GMPS: variants seen among roughly 807,000 people sequenced by gnomAD.
GMPS encodes the protein guanosine monophosphate synthase.
Under a neutral mutation model 77.9 loss-of-function variants are expected in GMPS, and 15 were observed. The ratio of observed to expected loss-of-function variants is 0.19; its 90% CI spans 0.13 to 0.30. GMPS has a LOEUF of 0.30. GMPS is among the 10% of genes least tolerant of loss of function. GMPS has a pLI of 1.00. For synonymous variants in GMPS, 224 were observed against 275.9 expected (o/e 0.81, Z 1.86); for missense variants, 590 against 838.8 (o/e 0.70, Z 3.66).
chr3:155,876,447 A>G (rs933112424), intron 1 of GMPS, among the ~76,000 whole-genome samples: 2 of 152,270 alleles, frequency 1.3e-5, no homozygotes, highest in Non-Finnish European at 2.9e-5. Context: ...ACTGTTTACT[A>G]TGCTTGCAAC....
chr3:155,913,346 G>A (rs565538664), intron 7 of GMPS, among the ~76,000 whole-genome samples: 1 of 152,184 alleles, frequency 6.6e-6, no homozygotes, highest in South Asian at 2.1e-4. Context: ...AAAAGCCAAG[G>A]ATTGTTAAAT....
rs777100549 is a variant in GMPS at position 155,914,511 on chromosome 3, T to C, written c.979T>C (p.Leu327=). ...RTPRKRISKT[L]NMTTSPEEKR... The stretch of plus-strand genomic sequence containing the variant: ...CCCACGGAAAAGAATTAGCAAAACG[T>C]TAAATATGACCACAAGTCCTGAAGA... Residue 327 remains leucine (L), a synonymous_variant, in exon 8 of 16, where the codon TTA becomes CTA. Coordinates refer to ENST00000496455, the MANE Select transcript of GMPS (RefSeq NM_003875.3). The C allele has an allele frequency of 4.4e-6, 7 of 1,605,956 alleles. No homozygotes were observed. The South Asian group carries it at 7.9e-5, about 18-fold the overall frequency.
chr3:155,916,028 G>A lies in GMPS; in HGVS notation c.1048G>A (p.Glu350Lys), dbSNP rs201869567. 11 of 1,611,320 alleles carry A rather than the reference G, an allele frequency of 6.8e-6. No individual in the cohort carries two copies. Among genetic ancestry groups the A allele is most frequent in the Non-Finnish European group, 8.5e-6 (10 of 1,178,206 alleles). The stretch of plus-strand genomic sequence containing the variant: ...CTCCTGTTGATTATAGATTGCCAAT[G>A]AAGTAATTGGAGAAATGAACTTGAA... ...IGDTFVKIANEVIGEMNLKPE... is the reference protein window; with the variant it reads ...IGDTFVKIANKVIGEMNLKPE... Residue 350 changes from glutamate to lysine, a missense_variant, in exon 9 of 16, where the codon GAA becomes AAA. Transcript: ENST00000496455.
chr3:155,922,893 G>T (rs561955829), intron 11 of GMPS, among the ~76,000 whole-genome samples: 1 of 152,120 alleles, frequency 6.6e-6, no homozygotes, highest in African/African-American at 2.4e-5. Context: ...AGTGGATCTG[G>T]GTTGGTAGTG....
At chr3:155,931,697 A>AAAAT in intron 12 of GMPS, 68 bp from the exon 13 acceptor site, 2 of 573,046 alleles carry the variant, frequency 3.5e-6, no homozygotes, top group Admixed American at 2.9e-5. Context: ...AAAAAAAAAA[A>AAAAT]GCTTTGTCAA....
intron 1 of GMPS, among the ~76,000 whole-genome samples, chr3:155,885,457 G>T (rs1187634960): frequency 6.6e-6 from 1 of 152,106 alleles, no homozygotes; most frequent in Non-Finnish European, 1.5e-5. Flanking sequence ...GTTGGTAATT[G>T]GTAAACATTG....
rs188235959 is a variant in GMPS at position 155,915,989 on chromosome 3, A to G, written c.1039-30A>G. The G allele has an allele frequency of 2.6e-4, 405 of 1,549,286 alleles. 6 individuals carry two copies. Among genetic ancestry groups the G allele is most frequent in the Admixed American group, 1.7e-3 (94 of 53,954 alleles). ...TTGCTTTTAAAAAAAGTTATCTCTT[A>G]CAAGGCTGTTTTACTCCTGTTGATT... On this transcript the variant is annotated intron_variant, in intron 8 of 15. Transcript: ENST00000496455.
At position 155,942,079 on chromosome 3, in the gene GMPS, C is replaced by T. The variant is rs934188382; in HGVS notation, c.*4387C>T. 70 of 198,362 alleles carry T rather than the reference C, an allele frequency of 3.5e-4. No individual in the cohort carries two copies. The highest frequency in any genetic ancestry group is 1.5e-3 in the African/African-American group (66 of 43,432). 12.3% of individuals were successfully genotyped at this position (198,362 alleles called of 1,614,324 possible). On this transcript the variant is annotated 3_prime_UTR_variant, in exon 16 of 16. Transcript: ENST00000496455. ...ATTAGAATCTGGAGGAGGTAGAACT[C>T]AAGCATTTACAGTTTTGTTTTGTTT...
At position 155,888,461 on chromosome 3, in the gene GMPS, A is replaced by G. The variant is rs544373348; in HGVS notation, c.28-5057A>G. On this transcript the variant is annotated intron_variant, in intron 1 of 15. Coordinates refer to ENST00000496455, the MANE Select transcript of GMPS (RefSeq NM_003875.3). The stretch of plus-strand genomic sequence containing the variant: ...TTTTATTTTTTTGAGACAGGATCTC[A>G]CTCTGTCACCCAGGCTGGAGTGCAG... 5.3e-5 allele frequency among the ~76,000 whole-genome samples: 8 copies of G among 151,426 alleles called. No homozygotes were observed. The South Asian group carries it at 1.5e-3, about 28-fold the overall frequency.
At chr3:155,925,437 CTG>C (rs1351099886) in intron 12 of GMPS, 71 bp downstream of exon 12, 1 of 1,250,712 alleles carries the variant, frequency 8.0e-7, no homozygotes, top group East Asian at 2.6e-5. Flanking sequence ...CGGAGTCTCA[CTG>C]TGTTGCCCAG....
intron 1 of GMPS, among the ~76,000 whole-genome samples, chr3:155,882,406 G>A (rs1754230971): frequency 1.3e-5 from 2 of 152,202 alleles, no homozygotes; most frequent in African/African-American, 4.8e-5. Context: ...CACAGTAAGA[G>A]AGTTACATAT....
rs2108109411 is a variant in GMPS, at chr3:155,914,429, T to C, written c.897T>C (p.Ala299=). ...TCCCCTTTCCTCCAGTGATAAATGC[T>C]GCTCATTCTTTCTACAATGGAACAA... ...KLGIQVKVIN[A]AHSFYNGTTT... The change falls in exon 8 of 16, where the codon GCT becomes GCC. Residue 299 remains alanine, a synonymous_variant. Transcript: ENST00000496455. 2 of 1,566,464 alleles carry C rather than the reference T, an allele frequency of 1.3e-6. No homozygotes were observed. The highest frequency in any genetic ancestry group is 8.6e-7 in the Non-Finnish European group (1 of 1,162,540).
chr3:155,888,450 G>C (rs1372278701), intron 1 of GMPS, among the ~76,000 whole-genome samples: 1 of 151,202 alleles, frequency 6.6e-6, no homozygotes, highest in Non-Finnish European at 1.5e-5. Context: ...ATTTTTTTGA[G>C]ACAGGATCTC....
chr3:155,874,901 C>CTTTTTTTTTT (rs1171275758), intron 1 of GMPS, among the ~76,000 whole-genome samples: 734 of 71,310 alleles, frequency 0.01, 1 homozygote, highest in Non-Finnish European at 0.012. Context: ...ACTTTGTTTT[C>CTTTTTTTTTT]TTTTTTTTTT....
intron 7 of GMPS, among the ~76,000 whole-genome samples, chr3:155,912,055 A>G (rs1048157139): frequency 2.0e-5 from 3 of 152,026 alleles, no homozygotes; most frequent in South Asian, 2.1e-4. Context: ...TACCTTTTAT[A>G]CTTTTTAAAA....
intron 12 of GMPS, 113 bp downstream of exon 12, chr3:155,925,479 A>G (rs1219411323): frequency 1.4e-6 from 1 of 690,838 alleles, no homozygotes; most frequent in Admixed American, 3.2e-5. Flanking sequence ...ATCTCAGCTC[A>G]TTGCAACCTC....
rs996239627 is a variant in GMPS at position 155,942,009 on chromosome 3, C to T, written c.*4317C>T. 3 of 206,768 alleles carry T rather than the reference C, an allele frequency of 1.5e-5. No homozygotes were observed. Among genetic ancestry groups the T allele is most frequent in the African/African-American group, 6.8e-5 (3 of 43,886 alleles). 12.8% of individuals were successfully genotyped at this position (206,768 alleles called of 1,614,324 possible). A position where few individuals can be genotyped will look rare whatever the true frequency, so the allele number is the denominator to read the frequency against. ...CACTGGATGCGTATTATTACATAAC[C>T]TGAGGAGTTAAAAAATACAATAACC... On this transcript the variant is annotated 3_prime_UTR_variant, in exon 16 of 16. Coordinates refer to ENST00000496455, the MANE Select transcript of GMPS (RefSeq NM_003875.3).
At chr3:155,897,838 T>C in intron 2 of GMPS, 89 bp from the exon 3 acceptor site, 1 of 702,944 alleles carries the variant, frequency 1.4e-6, no homozygotes, top group South Asian at 1.7e-5. Flanking sequence ...GGATCTGTGT[T>C]GTTTCCCTCA....
chr3:155,895,047 C>T (rs1754567400), intron 2 of GMPS, among the ~76,000 whole-genome samples: 1 of 152,196 alleles, frequency 6.6e-6, no homozygotes, highest in Non-Finnish European at 1.5e-5. Flanking sequence ...CCCCAGCAAA[C>T]TAACAGACTA....
Sources: allele counts gnomAD v4.1 joint callset (sites outside exome capture counted in the v4.1 genomes callset), GRCh38; gene constraint gnomAD v4.1.1; transcripts MANE v1.5; gene names NCBI Gene and HGNC (gene_info 2026-07-23, HGNC 2026-07-21).